BLNK: variants seen among roughly 807,000 people sequenced by gnomAD.
The protein encoded by BLNK is B cell linker, also known as B-cell linker protein.
BLNK carries 29 observed loss-of-function variants against 73.5 expected under a neutral mutation model. The ratio of observed to expected loss-of-function variants is 0.39; its 90% CI spans 0.29 to 0.54. The LOEUF is 0.54. Ranked by LOEUF, BLNK falls within the 20% of genes least tolerant of loss-of-function variation. The pLI is 0.61. For synonymous variants in BLNK, 176 were observed against 200.8 expected, an observed-to-expected ratio of 0.88 and a Z score of 1.04; for missense variants, 460 against 562.8, an observed-to-expected ratio of 0.82 and a Z score of 1.85.
At chr10:96,199,368 TG>T in intron 15 of BLNK, 4 of 271,278 alleles carry the variant, frequency 1.5e-5, no homozygotes, top group Admixed American at 1.2e-4. Context: ...TTTGTTTGTT[TG>T]TTTGTTTGCC....
intron 3 of BLNK, among the ~76,000 whole-genome samples, chr10:96,236,350 T>G (rs1268827432): frequency 6.6e-6 from 1 of 151,836 alleles, no homozygotes; most frequent in Non-Finnish European, 1.5e-5. Flanking sequence ...GTTGTGGTGG[T>G]GGGGACAGAC....
chr10:96,218,200 G>A (rs1364992969), intron 6 of BLNK, among the ~76,000 whole-genome samples: 1 of 152,230 alleles, frequency 6.6e-6, no homozygotes, highest in Non-Finnish European at 1.5e-5. Context: ...TGCCCTGGTG[G>A]GCAGCCAAGA....
chr10:96,221,238 C>T (rs2084190302), intron 6 of BLNK, among the ~76,000 whole-genome samples: 1 of 152,198 alleles, frequency 6.6e-6, no homozygotes, highest in Non-Finnish European at 1.5e-5. Flanking sequence ...CCAGTGGATA[C>T]ACAACATTCT....
chr10:96,201,451 A>G (rs1399312123), intron 13 of BLNK, among the ~76,000 whole-genome samples: 7 of 152,218 alleles, frequency 4.6e-5, no homozygotes, highest in Admixed American at 2.6e-4. Context: ...TGTTTGGAAA[A>G]TATAGTTATT....
intron 3 of BLNK, among the ~76,000 whole-genome samples, chr10:96,236,433 G>T (rs1206923383): frequency 6.6e-6 from 1 of 152,194 alleles, no homozygotes; most frequent in Non-Finnish European, 1.5e-5. Flanking sequence ...CACCAGTGCC[G>T]CCCTAAGAGG....
Position 96,191,948 on chromosome 10 carries a change from T to C in BLNK, c.*25A>G, listed in dbSNP as rs376602258. On this transcript the variant is annotated 3_prime_UTR_variant, in exon 17 of 17. Coordinates refer to ENST00000224337, the MANE Select transcript of BLNK (RefSeq NM_013314.4). ...AACTTTGGGAAAGTGTCTGAAGCAA[T>C]GGTATTGATCTTTTTTTTCCCCCTT... The C allele has an allele frequency of 1.9e-6, 3 of 1,613,246 alleles. No individual in the cohort carries two copies. Among genetic ancestry groups the C allele is most frequent in the Non-Finnish European group, 2.5e-6 (3 of 1,179,430 alleles).
chr10:96,247,151 C>T lies in BLNK; in HGVS notation c.48-102G>A. 3 of 745,550 alleles carry T rather than the reference C, an allele frequency of 4.0e-6. No individual in the cohort carries two copies. The East Asian group carries it at 7.6e-5, about 19-fold the overall frequency. 46.2% of individuals were successfully genotyped at this position (745,550 alleles called of 1,614,324 possible). A position where few individuals can be genotyped will look rare whatever the true frequency, so the allele number is the denominator to read the frequency against. On this transcript the variant is annotated intron_variant, in intron 1 of 16. Transcript: ENST00000224337. ...ATACAAAAAAGGGGAAAAAACTCTA[C>T]CAAAACAACCTCCAAATAGGATGAA...
rs782258239 is a variant in BLNK, at chr10:96,246,989, G to T, written c.108C>A (p.Ile36=). The T allele has an allele frequency of 8.7e-6, 14 of 1,603,176 alleles. No homozygotes were observed. In the Admixed American group the frequency reaches 1.5e-4, roughly 17 times the overall value. The part of the protein sequence containing the change: ...KNNEGGIMNK[I]KKLKVKAPPS... ...TTAAATAGAGGCGAACTTACTTTTT[G>T]ATTTTATTCATTATTCCACCTTCAT... The change falls in exon 2 of 17, where the codon ATC becomes ATA. Residue 36 remains isoleucine, a synonymous_variant. Coordinates refer to ENST00000224337, the MANE Select transcript of BLNK (RefSeq NM_013314.4).
chr10:96,207,649 C>T (rs1427117563), intron 10 of BLNK, among the ~76,000 whole-genome samples: 1 of 152,222 alleles, frequency 6.6e-6, no homozygotes, highest in Non-Finnish European at 1.5e-5. Context: ...CTCAGTGAAG[C>T]TGCTGGGATC....
chr10:96,206,039 A>C (rs2083796213), intron 11 of BLNK, among the ~76,000 whole-genome samples: 1 of 152,184 alleles, frequency 6.6e-6, no homozygotes, highest in African/African-American at 2.4e-5. Context: ...ACAGCAGAAA[A>C]GGGGTGATGC....
intron 1 of BLNK, among the ~76,000 whole-genome samples, chr10:96,249,023 A>C (rs146685715): frequency 1.3e-5 from 2 of 152,376 alleles, no homozygotes; most frequent in African/African-American, 4.8e-5. Flanking sequence ...AAAAATGTAT[A>C]ATAAAATTTC....
At chr10:96,194,300 T>C (rs971649804) in intron 16 of BLNK, among the ~76,000 whole-genome samples, 2 of 152,208 alleles carry the variant, frequency 1.3e-5, no homozygotes, top group Admixed American at 1.3e-4. Flanking sequence ...AAACCAAAGA[T>C]TGGTCTTGAT....
intron 8 of BLNK, among the ~76,000 whole-genome samples, chr10:96,212,808 C>T (rs1216191393): frequency 5.9e-5 from 9 of 152,202 alleles, no homozygotes; most frequent in Admixed American, 5.9e-4. Flanking sequence ...TATTCAAAGA[C>T]ACAGGCTAGT....
intron 1 of BLNK, among the ~76,000 whole-genome samples, chr10:96,249,575 A>G (rs555855440): frequency 8.5e-5 from 13 of 152,332 alleles, no homozygotes; most frequent in African/African-American, 2.9e-4. Context: ...TCAAACGTAA[A>G]ATGGGAACTT....
At chr10:96,268,645 C>A (rs1412271075) in intron 1 of BLNK, among the ~76,000 whole-genome samples, 2 of 152,088 alleles carry the variant, frequency 1.3e-5, no homozygotes, top group Non-Finnish European at 2.9e-5. Flanking sequence ...CAGAACATTC[C>A]CTTTCTTCTT....
At chr10:96,224,259 A>G (rs896968158) in intron 5 of BLNK, among the ~76,000 whole-genome samples, 10 of 152,262 alleles carry the variant, frequency 6.6e-5, no homozygotes, top group African/African-American at 9.6e-5. Context: ...AGAACCAACA[A>G]CCCAACACTT....
At chr10:96,203,929 C>G (rs1554896790) in intron 13 of BLNK, 128 bp downstream of exon 13, 2 of 694,466 alleles carry the variant, frequency 2.9e-6, no homozygotes, top group East Asian at 5.4e-5. Flanking sequence ...GGTAAGGAAA[C>G]AAGTGGGAGA....
intron 1 of BLNK, among the ~76,000 whole-genome samples, chr10:96,267,260 A>G (rs577828296): frequency 6.6e-6 from 1 of 152,192 alleles, no homozygotes; most frequent in Non-Finnish European, 1.5e-5. Flanking sequence ...TGGGGGAGCT[A>G]ATAACCTATC....
intron 6 of BLNK, among the ~76,000 whole-genome samples, chr10:96,216,940 T>G (rs1471173176): frequency 3.9e-5 from 6 of 152,208 alleles, no homozygotes; most frequent in Non-Finnish European, 8.8e-5. Context: ...GACATTTTTA[T>G]GCAAAAAGAA....
Sources: gnomAD v4.1 joint callset for allele counts (sites outside exome capture counted in the v4.1 genomes callset) on GRCh38, gnomAD v4.1.1 for gene constraint, MANE v1.5 for transcripts, NCBI Gene and HGNC (gene_info 2026-07-23, HGNC 2026-07-21) for gene names.